KAT5: variants seen among roughly 807,000 people sequenced by gnomAD.
KAT5 encodes the protein lysine acetyltransferase 5.
In KAT5, 31 loss-of-function variants were observed where a neutral mutation model predicts 68.1. That is an observed-to-expected ratio of 0.46 (90% confidence interval 0.34 to 0.61). The LOEUF is 0.61. Ranked by LOEUF, KAT5 falls within the 20% of genes least tolerant of loss-of-function variation. The pLI is 0.01. For synonymous variants in KAT5, 365 were observed against 292.6 expected (o/e 1.25, Z -2.52); for missense variants, 451 against 725.5 (o/e 0.62, Z 4.35).
chr11:65,714,649 C>G lies in KAT5; in HGVS notation c.845C>G (p.Pro282Arg). Residue 282 changes from proline (P) to arginine (R), a missense_variant, in exon 7 of 13, where the codon CCG (proline) becomes CGG (arginine). This residue lies in a region of KAT5 where 210 missense variants were observed against 423.7 expected (regional missense o/e 0.50). Coordinates refer to ENST00000341318, the MANE Select transcript of KAT5 (RefSeq NM_182710.3). ...CGCCTCAAGCCGTGGTACTTCTCCCCGTACCCACAGGAACTCACCACATTG... is the reference window on the plus strand; with the variant it reads ...CGCCTCAAGCCGTGGTACTTCTCCCGGTACCCACAGGAACTCACCACATTG... ...RHRLKPWYFS[P>R]YPQELTTLPV... 6.2e-7 allele frequency: 1 copy of G among 1,614,220 alleles called. No homozygotes were observed. Among genetic ancestry groups the G allele is most frequent in the Non-Finnish European group, 8.5e-7 (1 of 1,180,046 alleles).
intron 8 of KAT5, 92 bp downstream of exon 8, chr11:65,715,002 C>A: frequency 2.8e-6 from 3 of 1,080,858 alleles, no homozygotes; most frequent in South Asian, 1.3e-5. Flanking sequence ...GCCAGCAGAT[C>A]AGTCCAGCCC....
At position 65,716,664 on chromosome 11, in the gene KAT5, C is replaced by A; in HGVS notation, c.1030-3C>A. The A allele has an allele frequency of 1.2e-6, 2 of 1,613,526 alleles. No individual in the cohort carries two copies. Among genetic ancestry groups the A allele is most frequent in the Non-Finnish European group, 1.7e-6 (2 of 1,179,816 alleles). ...GAGTGGTGACAAGCCTTTTCTCTTG[C>A]AGAGTTATTCCCAGAACCTGTGTCT... On this transcript the variant is annotated splice_polypyrimidine_tract_variant and splice_region_variant and intron_variant, in intron 8 of 12. Transcript: ENST00000341318.
rs112903919 is a variant in KAT5 at position 65,718,776 on chromosome 11, G to C, written c.1424+27G>C. ...TGAGCCTGGCGCTGTCTACCTGGGG[G>C]TACATGGCATGGCTTGTCTGTTCCT... On this transcript the variant is annotated intron_variant, in intron 11 of 12. Coordinates refer to ENST00000341318, the MANE Select transcript of KAT5 (RefSeq NM_182710.3). 2,721 of 1,614,100 alleles carry C rather than the reference G, an allele frequency of 1.7e-3. 43 individuals carry two copies. The African/African-American group carries it at 0.034, about 20-fold the overall frequency.
chr11:65,716,562 C>T, intron 8 of KAT5, 105 bp from the exon 9 acceptor site: 1 of 1,093,326 alleles, frequency 9.1e-7, no homozygotes, highest in Non-Finnish European at 1.3e-6. Flanking sequence ...CATCACCTAG[C>T]AGCCTGGGGC....
chr11:65,712,864 G>T, intron 2 of KAT5, 30 bp downstream of exon 2: 4 of 1,614,148 alleles, frequency 2.5e-6, no homozygotes, highest in Non-Finnish European at 3.4e-6. Flanking sequence ...TGGGGCATCA[G>T]GGTAGGGTTG....
intron 3 of KAT5, 47 bp from the exon 4 acceptor site, chr11:65,713,301 C>T: frequency 1.9e-6 from 3 of 1,593,852 alleles, no homozygotes; most frequent in Non-Finnish European, 2.6e-6. Flanking sequence ...TTCCCCATCC[C>T]ACTGCCATCC....
chr11:65,716,012 G>A (rs1857179456), intron 8 of KAT5: 1 of 133,512 alleles, frequency 7.5e-6, no homozygotes, highest in Non-Finnish European at 1.6e-5. Flanking sequence ...TGACAGGAGT[G>A]AGACCCTGTG....
At chr11:65,718,437 G>C (rs1199418591) in intron 10 of KAT5, 153 bp from the exon 11 acceptor site, 1 of 739,388 alleles carries the variant, frequency 1.4e-6, no homozygotes, top group Non-Finnish European at 2.3e-6. Context: ...CTTCCTGAGG[G>C]AACTGAGGCA....
chr11:65,718,388 C>G lies in KAT5; in HGVS notation c.1265-202C>G, dbSNP rs1857277986. 4 of 588,658 alleles carry G rather than the reference C, an allele frequency of 6.8e-6. No homozygotes were observed. In the East Asian group the frequency reaches 1.1e-4, roughly 16 times the overall value. The allele number at this position is 588,658 out of a possible 1,614,324, so 36.5% of individuals were successfully genotyped here. ...GCTCCTCTCAGTGCCCTCATGCCCT[C>G]CACTGTGCTCAGCGCACGGAAAGAG... On this transcript the variant is annotated intron_variant, in intron 10 of 12. Coordinates refer to ENST00000341318, the MANE Select transcript of KAT5 (RefSeq NM_182710.3).
intron 6 of KAT5, chr11:65,714,066 A>C (rs1282811989): frequency 1.7e-6 from 1 of 580,656 alleles, no homozygotes; most frequent in East Asian, 3.0e-5. Context: ...AGTCCAACCA[A>C]GGCTGGTGGA....
intron 8 of KAT5, 189 bp from the exon 9 acceptor site, chr11:65,716,478 T>C (rs1161476711): frequency 1.7e-6 from 1 of 603,294 alleles, no homozygotes; most frequent in Non-Finnish European, 3.0e-6. Context: ...ACACAGGCTT[T>C]TCAACACTGA....
In KAT5 at chr11:65,716,952, C is replaced by T. The variant is rs1480669851; in HGVS notation, c.1234C>T (p.Arg412Trp). ...CILTLPPYQR[R>W]GYGKLLIEFS... ...CCTAACCCTGCCTCCCTACCAGCGC[C>T]GGGGCTACGGCAAGCTGCTGATCGA... is the stretch of plus-strand genomic sequence containing the variant. The change falls in exon 10 of 13, where the codon CGG (arginine) becomes TGG (tryptophan). Residue 412 changes from arginine to tryptophan, a missense_variant. Around this residue, in one of 4 missense-constraint regions of KAT5, gnomAD observed 210 missense variants for 423.7 expected, o/e 0.50. Coordinates refer to ENST00000341318, the MANE Select transcript of KAT5 (RefSeq NM_182710.3). The T allele has an allele frequency of 1.9e-6, 3 of 1,614,122 alleles. No individual in the cohort carries two copies. The highest frequency in any genetic ancestry group is 1.1e-5 in the South Asian group (1 of 91,082).
intron 6 of KAT5, 102 bp from the exon 7 acceptor site, chr11:65,714,393 G>T: frequency 4.5e-6 from 6 of 1,344,338 alleles, no homozygotes; most frequent in Non-Finnish European, 5.1e-6. Flanking sequence ...TCCCCCTTAG[G>T]GTTGCTGTTA....
rs751761828 is a variant in KAT5 at position 65,716,808 on chromosome 11, G to A, written c.1170+1G>A. On this transcript the variant is annotated splice_donor_variant, in intron 9 of 12. Transcript: ENST00000341318. LOFTEE classifies it high-confidence loss of function. ...CCACATCGTGGGCTACTTCTCCAAGGTCAGTGCCTGCCCAAGCTGTCCCTG... is the reference window on the plus strand; with the variant it reads ...CCACATCGTGGGCTACTTCTCCAAGATCAGTGCCTGCCCAAGCTGTCCCTG... 6.2e-7 allele frequency: 1 copy of A among 1,614,134 alleles called. No homozygotes were observed. The highest frequency in any genetic ancestry group is 8.5e-7 in the Non-Finnish European group (1 of 1,180,032).
chr11:65,714,070 T>G, intron 6 of KAT5: 1 of 580,188 alleles, frequency 1.7e-6, no homozygotes, highest in Non-Finnish European at 3.0e-6. Context: ...CAACCAAGGC[T>G]GGTGGATCAC....
Position 65,712,294 on chromosome 11 carries a change from CG to C in KAT5, c.31del (p.Ala11ArgfsTer17), listed in dbSNP as rs1471722714. The C allele has an allele frequency of 4.8e-6, 7 of 1,446,950 alleles. No homozygotes were observed. The highest frequency in any genetic ancestry group is 1.5e-5 in the South Asian group (1 of 67,638). 89.6% of individuals were successfully genotyped at this position (1,446,950 alleles called of 1,614,324 possible). ...TGGCGGAGGTGGTGAGTCCGGTGCCCGGGGCGGGGCGGAGGGAGCCAGGGGA... is the reference window on the plus strand; with the variant it reads ...TGGCGGAGGTGGTGAGTCCGGTGCCCGGGCGGGGCGGAGGGAGCCAGGGGA... Reference protein sequence around the residue: MAEVVSPVPGAGRREPGEVG... With the variant: MAEVVSPVPXAGRREPGEVG... On this transcript the variant is annotated frameshift_variant, in exon 1 of 13. Coordinates refer to ENST00000341318, the MANE Select transcript of KAT5 (RefSeq NM_182710.3). LOFTEE classifies it high-confidence loss of function.
intron 10 of KAT5, chr11:65,718,305 C>A: frequency 3.0e-6 from 1 of 331,134 alleles, no homozygotes; most frequent in Non-Finnish European, 5.6e-6. Context: ...ATTTTCTCTG[C>A]ATCCCCTGCC....
rs767323485 is a variant in KAT5, at chr11:65,713,860, GAGC to G, written c.690+18_690+20del. 2 of 1,566,926 alleles carry G rather than the reference GAGC, an allele frequency of 1.3e-6. No homozygotes were observed. The highest frequency in any genetic ancestry group is 2.4e-5 in the East Asian group (1 of 42,364). The stretch of plus-strand genomic sequence containing the variant: ...TGGGCACTGATGAGGTGGGTCTGGG[GAGC>G]AGCAGAAGGGAACTGGGTGAAAAGG... On this transcript the variant is annotated intron_variant, in intron 6 of 12. Transcript: ENST00000341318.
chr11:65,719,327 C>T lies in KAT5; in HGVS notation c.*146C>T, dbSNP rs561937926. 2.2e-4 allele frequency: 218 copies of T among 993,180 alleles called. No individual in the cohort carries two copies. In the Admixed American group the frequency reaches 5.6e-3, roughly 25 times the overall value. 61.5% of individuals were successfully genotyped at this position (993,180 alleles called of 1,614,324 possible). On this transcript the variant is annotated 3_prime_UTR_variant, in exon 13 of 13. Coordinates refer to ENST00000341318, the MANE Select transcript of KAT5 (RefSeq NM_182710.3). ...AGGAGAGGACAGGCCTGGCAGGGGC[C>T]CACTGGTGCCCAGCACCAAGGCGAG...
Sources: allele counts gnomAD v4.1 joint callset, GRCh38; gene constraint gnomAD v4.1.1; regional missense constraint gnomAD v4.1.1; transcripts MANE v1.5; gene names NCBI Gene and HGNC (gene_info 2026-07-23, HGNC 2026-07-21).